The following LRP1 variants were observed in gnomAD, a reference collection of about 807,000 sequenced individuals.
LRP1 encodes prolow-density lipoprotein receptor-related protein 1.
LRP1 carries 51 observed loss-of-function variants against 541.5 expected under a neutral mutation model. The ratio of observed to expected loss-of-function variants is 0.09; its 90% CI spans 0.08 to 0.12. The LOEUF is 0.12. Ranked by LOEUF, LRP1 falls within the 10% of genes least tolerant of loss-of-function variation. The probability of loss-of-function intolerance (pLI) is 1.00; values close to 1 mark genes in which losing one functional copy is unlikely to be tolerated. For missense variants in LRP1, 3,878 were observed against 6,376.2 expected, an observed-to-expected ratio of 0.61 and a Z score of 13.34; for synonymous variants, 2,219 against 2,470.8, an observed-to-expected ratio of 0.90 and a Z score of 3.02.
At chr12:57,161,843 A>T (rs1376063986) in intron 13 of LRP1, among the ~76,000 whole-genome samples, 7 of 152,100 alleles carry the variant, frequency 4.6e-5, no homozygotes, top group African/African-American at 1.4e-4. Flanking sequence ...CCTATCTGAG[A>T]CAGTGGGAAG....
At chr12:57,199,070 G>T in intron 60 of LRP1, 142 bp from the exon 61 acceptor site, 1 of 763,118 alleles carries the variant, frequency 1.3e-6, no homozygotes, top group Non-Finnish European at 2.2e-6. Context: ...TGAGACCATG[G>T]GGGGTCTGTA....
Position 57,183,754 on chromosome 12 carries a change from T to C in LRP1, c.5795-21T>C. ...ACCCCTGCCTTATTGGGCATCCCCA[T>C]GTCACCTCCTCCACCTCCAGAAAAT... On this transcript the variant is annotated intron_variant, in intron 35 of 88. Coordinates refer to ENST00000243077, the MANE Select transcript of LRP1 (RefSeq NM_002332.3). The surrounding 1 kb of genome is among the most constrained non-coding windows in gnomAD (Gnocchi z 6.1). The C allele has an allele frequency of 6.2e-7, 1 of 1,613,432 alleles. No homozygotes were observed.
At chr12:57,209,945 T>A in intron 80 of LRP1, 77 bp downstream of exon 80, 1 of 1,591,890 alleles carries the variant, frequency 6.3e-7, no homozygotes, top group South Asian at 1.1e-5. Flanking sequence ...CCCTGGGACC[T>A]GGTGGAGAGG....
chr12:57,162,561 T>C lies in LRP1; in HGVS notation c.2404+43T>C. On this transcript the variant is annotated intron_variant, in intron 14 of 88. Coordinates refer to ENST00000243077, the MANE Select transcript of LRP1 (RefSeq NM_002332.3). This position sits in a 1 kb window ranked among gnomAD's most constrained non-coding sequence, Gnocchi z 5.2. ...GGGGCAGCGTGGGACCTGGAAGGGGTGGTGGGACTTAGGCATTGATTTGAG... is the reference window on the plus strand; with the variant it reads ...GGGGCAGCGTGGGACCTGGAAGGGGCGGTGGGACTTAGGCATTGATTTGAG... 6.2e-7 allele frequency: 1 copy of C among 1,605,172 alleles called. No individual in the cohort carries two copies. The highest frequency in any genetic ancestry group is 8.5e-7 in the Non-Finnish European group (1 of 1,174,634).
intron 6 of LRP1, 97 bp downstream of exon 6, chr12:57,145,587 G>C: frequency 6.9e-7 from 1 of 1,456,482 alleles, no homozygotes; most frequent in African/African-American, 1.4e-5. Flanking sequence ...TACACAGGAT[G>C]GTCCTGTCTG....
At chr12:57,180,254 G>A (rs2036136897) in intron 31 of LRP1, 76 bp from the exon 32 acceptor site, 1 of 1,591,062 alleles carries the variant, frequency 6.3e-7, no homozygotes. Context: ...CTTAGTGCCT[G>A]TTCTCACCAT....
At chr12:57,181,353 T>A in intron 34 of LRP1, 62 bp downstream of exon 34, 1 of 1,545,222 alleles carries the variant, frequency 6.5e-7, no homozygotes. Context: ...CCTCCTACCC[T>A]ACAGCCCCAC....
At chr12:57,160,585 C>G (rs891470498) in intron 12 of LRP1, among the ~76,000 whole-genome samples, 1 of 152,172 alleles carries the variant, frequency 6.6e-6, no homozygotes, top group Admixed American at 6.5e-5. Context: ...TTATTTCCCT[C>G]CTGGCCTTTA....
rs1294244618 is a variant in LRP1, at chr12:57,177,016, C to A, written c.3992-25C>A. The A allele has an allele frequency of 1.2e-6, 2 of 1,603,652 alleles. 1 individual carries two copies. Among genetic ancestry groups the A allele is most frequent in the East Asian group, 4.5e-5 (2 of 44,826 alleles). ...TGCACAGCTCCCCAGGAGACGCTAACCTTTCACTGCCCTCTCTTCTCCAGC... is the reference window on the plus strand; with the variant it reads ...TGCACAGCTCCCCAGGAGACGCTAAACTTTCACTGCCCTCTCTTCTCCAGC... On this transcript the variant is annotated intron_variant, in intron 24 of 88. Coordinates refer to ENST00000243077, the MANE Select transcript of LRP1 (RefSeq NM_002332.3). The surrounding 1 kb of genome is among the most constrained non-coding windows in gnomAD (Gnocchi z 6.8).
rs937020229 is a variant in LRP1, at chr12:57,130,497, C to A, written c.67+1466C>A. On this transcript the variant is annotated intron_variant, in intron 1 of 88. Transcript: ENST00000243077. ...TGAATATCCTCCAGATGCCGCACAG[C>A]CGGCTTCTGCCTATAACTCCTGTCA... is the stretch of plus-strand genomic sequence containing the variant. 7.3e-5 allele frequency among the ~76,000 whole-genome samples: 11 copies of A among 151,342 alleles called. No homozygotes were observed. The East Asian group carries it at 2.1e-3, about 30-fold the overall frequency.
chr12:57,184,714 C>A lies in LRP1; in HGVS notation c.6187-125C>A, dbSNP rs934877274. The A allele has an allele frequency of 7.3e-6, 8 of 1,093,116 alleles. No individual in the cohort carries two copies. In the African/African-American group the frequency reaches 1.1e-4, roughly 15 times the overall value. 67.7% of individuals were successfully genotyped at this position (1,093,116 alleles called of 1,614,324 possible). On this transcript the variant is annotated intron_variant, in intron 38 of 88. Transcript: ENST00000243077. The surrounding 1 kb of genome is among the most constrained non-coding windows in gnomAD (Gnocchi z 7.8). ...AGTGGGCAGGAGTGTATGCAGGAGG[C>A]AGGAGTGAGTTAGGGGAGGCTGAAC...
intron 43 of LRP1, 129 bp downstream of exon 43, chr12:57,191,138 C>T: frequency 1.7e-6 from 2 of 1,153,724 alleles, no homozygotes; most frequent in South Asian, 2.9e-5. Context: ...GCCTCCAGGC[C>T]CCAGCCTCGG....
Position 57,179,604 on chromosome 12 carries a change from C to G in LRP1, c.4966+48C>G. ...CACCAGTGGACATGGGCACCTCCAC[C>G]CGCCCCTTGCTCCCAACCCTGGTCT... On this transcript the variant is annotated intron_variant, in intron 29 of 88. Transcript: ENST00000243077. This position sits in a 1 kb window ranked among gnomAD's most constrained non-coding sequence, Gnocchi z 6.8. 1 of 1,544,494 alleles carries G rather than the reference C, an allele frequency of 6.5e-7. No individual in the cohort carries two copies. Among genetic ancestry groups the G allele is most frequent in the Non-Finnish European group, 8.9e-7 (1 of 1,120,762 alleles).
In LRP1 at chr12:57,195,508, G is replaced by A. The variant is rs1050850541; in HGVS notation, c.8437+109G>A. 4.5e-6 allele frequency: 7 copies of A among 1,569,070 alleles called. No individual in the cohort carries two copies. In the Admixed American group the frequency reaches 1.0e-4, roughly 23 times the overall value. On this transcript the variant is annotated intron_variant, in intron 52 of 88. Transcript: ENST00000243077. ...AGGAAATGCCTCAGCGGGGTCCACT[G>A]GGGGCGGAGCCATAGCTGTAGCCCA...
rs374848900 is a variant in LRP1, at chr12:57,170,264, C to A, written c.3163+957C>A. 7.5e-4 allele frequency among the ~76,000 whole-genome samples: 115 copies of A among 152,358 alleles called. 3 individuals carry two copies. In the South Asian group the frequency reaches 0.022, roughly 30 times the overall value. On this transcript the variant is annotated intron_variant, in intron 20 of 88. Transcript: ENST00000243077. Reference sequence around the variant, plus strand: ...TATGACCTCATCTTAAGTTGACCATCTGCAAAGACACTATTTCCAAATAAA... The same window carrying A: ...TATGACCTCATCTTAAGTTGACCATATGCAAAGACACTATTTCCAAATAAA...
chr12:57,173,796 A>C lies in LRP1; in HGVS notation c.3363A>C (p.Lys1121Asn). 6.2e-7 allele frequency: 1 copy of C among 1,614,192 alleles called. No individual in the cohort carries two copies. The highest frequency in any genetic ancestry group is 8.5e-7 in the Non-Finnish European group (1 of 1,180,028). Residue 1121 changes from lysine (K) to asparagine (N), a missense_variant, in exon 22 of 89, where the codon AAA (lysine) becomes AAC (asparagine). This residue lies in a region of LRP1 where 320 missense variants were observed against 547.9 expected (regional missense o/e 0.58). Coordinates refer to ENST00000243077, the MANE Select transcript of LRP1 (RefSeq NM_002332.3). This position sits in a 1 kb window ranked among gnomAD's most constrained non-coding sequence, Gnocchi z 4.7. ...GTCCCTCAGCTCGGTGCATCAGCAA[A>C]GCGTGGGTGTGTGATGGCGACAATG... ...GCKDSARCIS[K>N]AWVCDGDNDC...
At chr12:57,203,625 G>T (rs964010089) in intron 70 of LRP1, 104 bp downstream of exon 70, 67 of 1,340,434 alleles carry the variant, frequency 5.0e-5, no homozygotes, top group Non-Finnish European at 6.6e-5. Context: ...CATTCTTCAT[G>T]CAACAAATAT....
rs745529851 is a variant in LRP1, at chr12:57,141,509, G to A, written c.326G>A (p.Arg109Gln). The A allele has an allele frequency of 3.7e-6, 6 of 1,614,176 alleles. No individual in the cohort carries two copies. The highest frequency in any genetic ancestry group is 2.2e-5 in the East Asian group (1 of 44,882). ...MDGSDEGPHCRELQGNCSRLG... is the reference protein window; with the variant it reads ...MDGSDEGPHCQELQGNCSRLG... ...GGCTCAGATGAGGGGCCCCACTGCC[G>A]AGGTAAGGACTTTTCCACTCTCTAC... Residue 109 changes from arginine (R) to glutamine (Q), a missense_variant and splice_region_variant, in exon 3 of 89, where the codon CGA (arginine) becomes CAA (glutamine). Around this residue, in one of 13 missense-constraint regions of LRP1, gnomAD observed 293 missense variants for 403.7 expected, o/e 0.73. Transcript: ENST00000243077.
chr12:57,162,820 T>G lies in LRP1; in HGVS notation c.2405-38T>G, dbSNP rs1421628829. On this transcript the variant is annotated intron_variant, in intron 14 of 88. Coordinates refer to ENST00000243077, the MANE Select transcript of LRP1 (RefSeq NM_002332.3). This position sits in a 1 kb window ranked among gnomAD's most constrained non-coding sequence, Gnocchi z 5.2. ...CCCTTCTCTGACCTCTCCTCACCTC[T>G]TCCTCCCTTTGCCTTTCCCCATGGC... 6.3e-7 allele frequency: 1 copy of G among 1,579,408 alleles called. No homozygotes were observed. The highest frequency in any genetic ancestry group is 8.6e-7 in the Non-Finnish European group (1 of 1,162,448).
Sources: gnomAD v4.1 joint callset for allele counts (sites outside exome capture counted in the v4.1 genomes callset) on GRCh38, gnomAD v4.1.1 for gene constraint, gnomAD v4.1.1 regional missense constraint, Gnocchi (gnomAD v3.1) non-coding constraint, MANE v1.5 for transcripts, NCBI Gene and HGNC (gene_info 2026-07-23, HGNC 2026-07-21) for gene names.